Variants in HEXB observed in about 807,000 individuals in gnomAD.
HEXB encodes the protein hexosaminidase subunit beta.
Under a neutral mutation model 71.2 loss-of-function variants are expected in HEXB, and 51 were observed. That is an observed-to-expected ratio of 0.72 (90% CI 0.57 to 0.90). The LOEUF (loss-of-function observed/expected upper bound fraction) is 0.90. HEXB is among the 40% of genes least tolerant of loss of function. The probability of loss-of-function intolerance (pLI) is 0.00; values close to 1 mark genes in which losing one functional copy is unlikely to be tolerated. For synonymous variants in HEXB, 266 were observed against 249.3 expected (o/e 1.07, Z -0.63); for missense variants, 617 against 677.0 (o/e 0.91, Z 0.98).
intron 6 of HEXB, among the ~76,000 whole-genome samples, chr5:74,710,182 A>G (rs1451014041): frequency 2.0e-5 from 3 of 152,304 alleles, no homozygotes; most frequent in Non-Finnish European, 4.4e-5. Flanking sequence ...ACCAAAGACA[A>G]AAACCACATG....
At chr5:74,650,578 G>A (rs1748083492) in intron 1 of HEXB, among the ~76,000 whole-genome samples, 1 of 152,144 alleles carries the variant, frequency 6.6e-6, no homozygotes, top group East Asian at 1.9e-4. Context: ...TCGGTACTGA[G>A]TGTGCCTCCA....
chr5:74,650,569 C>T (rs948546516), intron 1 of HEXB, among the ~76,000 whole-genome samples: 1 of 152,104 alleles, frequency 6.6e-6, no homozygotes, highest in East Asian at 1.9e-4. Flanking sequence ...TCTTGTCCCT[C>T]GGTACTGAGT....
chr5:74,662,280 C>T (rs544956771), intron 1 of HEXB, among the ~76,000 whole-genome samples: 2 of 152,220 alleles, frequency 1.3e-5, no homozygotes, highest in Admixed American at 6.5e-5. Context: ...GGATATTCAG[C>T]TACTCTTACT....
At chr5:74,717,216 C>T (rs1159789099) in intron 9 of HEXB, among the ~76,000 whole-genome samples, 1 of 152,010 alleles carries the variant, frequency 6.6e-6, no homozygotes, top group Non-Finnish European at 1.5e-5. Flanking sequence ...AAATATAAAA[C>T]TCAGCTTGAA....
intron 2 of HEXB, among the ~76,000 whole-genome samples, chr5:74,690,362 G>A (rs1440336741): frequency 6.6e-6 from 1 of 152,062 alleles, no homozygotes; most frequent in Non-Finnish European, 1.5e-5. Flanking sequence ...TAAGTGTAAA[G>A]ATAGAGGCTG....
intron 5 of HEXB, among the ~76,000 whole-genome samples, chr5:74,703,590 C>T (rs767303790): frequency 1.3e-4 from 20 of 152,182 alleles, no homozygotes; most frequent in Non-Finnish European, 2.1e-4. Context: ...AATACACACA[C>T]ATCTTTCCCT....
chr5:74,668,447 C>A (rs1748475816), intron 1 of HEXB, among the ~76,000 whole-genome samples: 1 of 152,072 alleles, frequency 6.6e-6, no homozygotes, highest in African/African-American at 2.4e-5. Flanking sequence ...TAGCCTGGCC[C>A]CCGTGGCAAG....
At chr5:74,647,039 G>A (rs1013644828) in intron 1 of HEXB, among the ~76,000 whole-genome samples, 3 of 152,192 alleles carry the variant, frequency 2.0e-5, no homozygotes, top group Non-Finnish European at 2.9e-5. Flanking sequence ...CTGCCCTGAA[G>A]AGCTTGGAGA....
At chr5:74,701,779 CCT>C (rs1249256491) in intron 5 of HEXB, among the ~76,000 whole-genome samples, 6 of 151,630 alleles carry the variant, frequency 4.0e-5, no homozygotes, top group African/African-American at 9.7e-5. Context: ...CTTTATTCTC[CCT>C]CTCTAAAAAT....
intron 1 of HEXB, among the ~76,000 whole-genome samples, chr5:74,661,103 G>A (rs1032104453): frequency 1.3e-5 from 2 of 152,200 alleles, no homozygotes; most frequent in African/African-American, 4.8e-5. Flanking sequence ...TGAGCCACAT[G>A]TCTGTGGGCG....
intron 1 of HEXB, among the ~76,000 whole-genome samples, chr5:74,688,161 A>G (rs1748914209): frequency 6.6e-6 from 1 of 151,850 alleles, no homozygotes; most frequent in Non-Finnish European, 1.5e-5. Context: ...TGCCTTTACA[A>G]TATTTAATGC....
intron 1 of HEXB, among the ~76,000 whole-genome samples, chr5:74,677,490 C>CTTTTTTTTTTT (rs566302720): frequency 2.2e-4 from 17 of 77,278 alleles, no homozygotes; most frequent in South Asian, 8.3e-4. Flanking sequence ...TCTTCTTCTT[C>CTTTTTTTTTTT]TTTTTTTTTT....
At chr5:74,695,568 C>T (rs568603183) in intron 3 of HEXB, among the ~76,000 whole-genome samples, 82 of 149,972 alleles carry the variant, frequency 5.5e-4, no homozygotes, top group African/African-American at 1.9e-3. Context: ...AGGCTGGGCA[C>T]GGTGGCTCAC....
At position 74,643,738 on chromosome 5, in the gene HEXB, G is replaced by T. The variant is rs1015246700; in HGVS notation, c.-377+3180G>T. The stretch of plus-strand genomic sequence containing the variant: ...ACACTTGGGCTGAATTAATGAGAAT[G>T]ATTTAATTAACACGGTGCGATCATG... On this transcript the variant is annotated intron_variant, in intron 1 of 13. Transcript: ENST00000511181. Among the ~76,000 whole-genome samples, 3 of 152,184 alleles carry T rather than the reference G, an allele frequency of 2.0e-5. No individual in the cohort carries two copies. In the East Asian group the frequency reaches 5.8e-4, roughly 29 times the overall value.
In HEXB at chr5:74,685,577, G is replaced by T. The variant is rs750545435; in HGVS notation, c.299+18G>T. ...TTTCGACGGTGAGCGCTCCCGGCCC[G>T]GCCGGGAGTTGTCCTGGGGGAGGGG... On this transcript the variant is annotated intron_variant, in intron 1 of 13. Transcript: ENST00000261416. 2.0e-6 allele frequency: 3 copies of T among 1,532,824 alleles called. No homozygotes were observed. The highest frequency in any genetic ancestry group is 2.6e-6 in the Non-Finnish European group (3 of 1,143,594). 95.0% of individuals were successfully genotyped at this position (1,532,824 alleles called of 1,614,324 possible).
upstream of HEXB, chr5:74,685,109 C>T: frequency 1.2e-6 from 1 of 829,644 alleles, no homozygotes; most frequent in Non-Finnish European, 1.7e-6. Flanking sequence ...GAGGACGCTC[C>T]CGGGGCCTGG....
chr5:74,661,393 C>T (rs185337745), intron 1 of HEXB, among the ~76,000 whole-genome samples: 29 of 152,264 alleles, frequency 1.9e-4, no homozygotes, highest in African/African-American at 6.5e-4. Flanking sequence ...ATCTTTACTC[C>T]TTTAGTCCTG....
chr5:74,710,239 C>G (rs978252578), intron 6 of HEXB, among the ~76,000 whole-genome samples: 44 of 151,800 alleles, frequency 2.9e-4, no homozygotes, highest in South Asian at 1.0e-3. Flanking sequence ...ATTCAACAAC[C>G]CTTCATGCTA....
intron 2 of HEXB, among the ~76,000 whole-genome samples, chr5:74,692,863 C>T (rs140282399): frequency 1.6e-3 from 242 of 152,310 alleles, no homozygotes; most frequent in African/African-American, 5.5e-3. Context: ...GTGGTTGATT[C>T]CACTCCAGAC....
Sources: gnomAD v4.1 joint callset for allele counts (sites outside exome capture counted in the v4.1 genomes callset) on GRCh38, gnomAD v4.1.1 for gene constraint, MANE v1.5 for transcripts, NCBI Gene and HGNC (gene_info 2026-07-23, HGNC 2026-07-21) for gene names.